ANTXR1: variants seen among roughly 807,000 people sequenced by gnomAD.
ANTXR1 encodes anthrax toxin receptor 1.
In ANTXR1, 19 loss-of-function variants were observed where a neutral mutation model predicts 78.1. The ratio of observed to expected loss-of-function variants is 0.24; its 90% CI spans 0.17 to 0.36. The LOEUF (loss-of-function observed/expected upper bound fraction) is 0.36. ANTXR1 is among the 10% of genes least tolerant of loss of function. ANTXR1 has a pLI of 1.00. For missense variants in ANTXR1, 518 were observed against 718.6 expected (o/e 0.72, Z 3.19); for synonymous variants, 273 against 260.5 (o/e 1.05, Z -0.46).
At chr2:69,144,003 G>A (rs1183103261) in intron 12 of ANTXR1, among the ~76,000 whole-genome samples, 1 of 152,202 alleles carries the variant, frequency 6.6e-6, no homozygotes, top group East Asian at 1.9e-4. Context: ...AGATCTCTAG[G>A]CTTGCCCATC....
At chr2:69,032,774 C>T (rs1671565652) in intron 1 of ANTXR1, among the ~76,000 whole-genome samples, 1 of 151,948 alleles carries the variant, frequency 6.6e-6, no homozygotes, top group African/African-American at 2.4e-5. Context: ...TGTGTGTGTG[C>T]ATGTGCCTGT....
chr2:69,139,213 A>C (rs1189802131), intron 12 of ANTXR1, among the ~76,000 whole-genome samples: 1 of 152,164 alleles, frequency 6.6e-6, no homozygotes, highest in African/African-American at 2.4e-5. Context: ...TCTTTCACCT[A>C]TCCAATTTCA....
intron 17 of ANTXR1, among the ~76,000 whole-genome samples, chr2:69,240,467 C>T (rs985829241): frequency 3.3e-5 from 5 of 152,184 alleles, no homozygotes. Flanking sequence ...TAAGCACGCA[C>T]CAGATCCCAA....
At chr2:69,052,088 T>C (rs1669947214) in intron 3 of ANTXR1, among the ~76,000 whole-genome samples, 4 of 152,154 alleles carry the variant, frequency 2.6e-5, no homozygotes, top group Admixed American at 2.6e-4. Context: ...TATCTACTGA[T>C]TCTTCTTGCT....
chr2:69,145,441 A>G, intron 12 of ANTXR1: 1 of 1,553,936 alleles, frequency 6.4e-7, no homozygotes, highest in Non-Finnish European at 8.7e-7. Flanking sequence ...GGAGCCAAAC[A>G]TGCTCGGTTT....
At chr2:69,160,636 A>C (rs1378177215) in intron 13 of ANTXR1, among the ~76,000 whole-genome samples, 2 of 152,192 alleles carry the variant, frequency 1.3e-5, no homozygotes, top group Non-Finnish European at 2.9e-5. Context: ...ATACCCTGCA[A>C]GTATGAATAG....
intron 1 of ANTXR1, among the ~76,000 whole-genome samples, chr2:69,023,408 G>A (rs918968196): frequency 1.3e-5 from 2 of 152,004 alleles, no homozygotes; most frequent in Non-Finnish European, 2.9e-5. Context: ...AATGGTGATG[G>A]TGGTGGTGGT....
At chr2:69,072,989 G>T (rs1398329005) in intron 5 of ANTXR1, 33 bp from the exon 6 acceptor site, 1 of 1,606,364 alleles carries the variant, frequency 6.2e-7, no homozygotes, top group Non-Finnish European at 8.5e-7. Context: ...GTGGAGCAGG[G>T]TGGACTGAGC....
chr2:69,090,152 G>C (rs935750407), intron 8 of ANTXR1, among the ~76,000 whole-genome samples: 1 of 151,860 alleles, frequency 6.6e-6, no homozygotes, highest in Non-Finnish European at 1.5e-5. Flanking sequence ...ACATTTTCCA[G>C]ACTTTCCAAG....
chr2:69,128,895 T>C (rs944321145), intron 12 of ANTXR1, among the ~76,000 whole-genome samples: 2 of 152,246 alleles, frequency 1.3e-5, no homozygotes, highest in African/African-American at 2.4e-5. Context: ...GTTGAGACTT[T>C]TCTTTTCTCA....
intron 17 of ANTXR1, among the ~76,000 whole-genome samples, chr2:69,210,935 C>CAAA (rs1159790329): frequency 6.2e-3 from 262 of 42,370 alleles, no homozygotes; most frequent in Non-Finnish European, 7.8e-3. Context: ...GACTCCATCA[C>CAAA]AAAAAAAAAA....
intron 5 of ANTXR1, among the ~76,000 whole-genome samples, chr2:69,072,236 A>G (rs866224596): frequency 6.6e-6 from 1 of 152,120 alleles, no homozygotes; most frequent in East Asian, 1.9e-4. Context: ...AAATGAAAAA[A>G]CTGCATAAAA....
chr2:69,013,576 C>T lies in ANTXR1; in HGVS notation c.77C>T (p.Ala26Val), dbSNP rs763539838. Residue 26 changes from alanine (A) to valine (V), a missense_variant, in exon 1 of 18, where the codon GCC (alanine) becomes GTC (valine). Physicochemically the swap from Ala to Val is moderately conservative, Grantham distance 64 (BLOSUM62 0). Around this residue, in one of 5 missense-constraint regions of ANTXR1, gnomAD observed 55 missense variants for 52.5 expected, o/e 1.05. Transcript: ENST00000303714. The surrounding 1 kb of genome is among the most constrained non-coding windows in gnomAD (Gnocchi z 5.0). ...TTGGCCACTCTGGTGCTCATCTGCG[C>T]CGGGCAAGGGGGACGCAGGGAGGAT... is the stretch of plus-strand genomic sequence containing the variant. ...LSLATLVLIC[A>V]GQGGRREDGG... is the part of the protein sequence containing the mutation. The T allele has an allele frequency of 3.4e-5, 54 of 1,571,024 alleles. No homozygotes were observed. The highest frequency in any genetic ancestry group is 1.4e-4 in the East Asian group (6 of 43,476).
At chr2:69,138,415 C>T (rs1395202135) in intron 12 of ANTXR1, among the ~76,000 whole-genome samples, 1 of 152,130 alleles carries the variant, frequency 6.6e-6, no homozygotes, top group Non-Finnish European at 1.5e-5. Flanking sequence ...AGAGTCATTA[C>T]GTGTATTTTC....
intron 10 of ANTXR1, among the ~76,000 whole-genome samples, chr2:69,104,858 T>C (rs1470745105): frequency 6.6e-6 from 1 of 152,116 alleles, no homozygotes; most frequent in Non-Finnish European, 1.5e-5. Flanking sequence ...CTGAGGTGGG[T>C]GTATGGCCTG....
chr2:69,197,944 G>C lies in ANTXR1; in HGVS notation c.1434+4529G>C, dbSNP rs1674701022. On this transcript the variant is annotated intron_variant, in intron 17 of 17. Transcript: ENST00000303714. ...TTCTTATCACGTCACCATTGTCAAGGAATAATCTTTCCATGTCACTACATA... is the reference window on the plus strand; with the variant it reads ...TTCTTATCACGTCACCATTGTCAAGCAATAATCTTTCCATGTCACTACATA... Among the ~76,000 whole-genome samples, 3 of 152,140 alleles carry C rather than the reference G, an allele frequency of 2.0e-5. 1 individual carries two copies. The highest frequency in any genetic ancestry group is 1.3e-4 in the Admixed American group (2 of 15,280).
upstream of ANTXR1, chr2:69,013,173 G>A (rs1400741784): frequency 1.1e-5 from 3 of 269,848 alleles, no homozygotes; most frequent in East Asian, 4.3e-5. This position sits in a 1 kb window ranked among gnomAD's most constrained non-coding sequence, Gnocchi z 5.0. Flanking sequence ...ACAAAGAACC[G>A]TCGGGACGGA....
At chr2:69,224,162 G>A (rs1236232383) in intron 17 of ANTXR1, among the ~76,000 whole-genome samples, 1 of 152,166 alleles carries the variant, frequency 6.6e-6, no homozygotes, top group Non-Finnish European at 1.5e-5. Flanking sequence ...ACACAAATAG[G>A]ATCTCCTCAG....
chr2:69,077,355 A>G, intron 7 of ANTXR1, 53 bp from the exon 8 acceptor site: 4 of 1,606,912 alleles, frequency 2.5e-6, no homozygotes, highest in Non-Finnish European at 3.4e-6. Context: ...TAAATTTTCC[A>G]CATCCAAGCC....
Sources: gnomAD v4.1 joint callset for allele counts (sites outside exome capture counted in the v4.1 genomes callset) on GRCh38, gnomAD v4.1.1 for gene constraint, gnomAD v4.1.1 regional missense constraint, Gnocchi (gnomAD v3.1) non-coding constraint, MANE v1.5 for transcripts, NCBI Gene and HGNC (gene_info 2026-07-23, HGNC 2026-07-21) for gene names.